The following USP34 variants were observed in gnomAD, a reference collection of about 807,000 sequenced individuals.
The protein encoded by USP34 is ubiquitin specific peptidase 34, also known as ubiquitin carboxyl-terminal hydrolase 34.
Under a neutral mutation model 460.3 loss-of-function variants are expected in USP34, and 70 were observed. The observed-to-expected ratio is 0.15, with a 90% confidence interval of 0.13 to 0.19. The LOEUF (loss-of-function observed/expected upper bound fraction) is 0.19. Ranked by LOEUF, USP34 falls within the 10% of genes least tolerant of loss-of-function variation. USP34 has a pLI of 1.00. For missense variants in USP34, 3,985 were observed against 4,236.2 expected (o/e 0.94, Z 1.65); for synonymous variants, 1,647 against 1,405.3 (o/e 1.17, Z -3.85).
chr2:61,356,426 G>A (rs1692105906), intron 10 of USP34, among the ~76,000 whole-genome samples: 1 of 151,874 alleles, frequency 6.6e-6, no homozygotes, highest in South Asian at 2.1e-4. Flanking sequence ...GAAGGTCAAG[G>A]TTGCAGTGAG....
Position 61,311,775 on chromosome 2 carries a change from T to C in USP34, c.3669+9A>G, listed in dbSNP as rs541458540. ...GTTATCAACTTCGAAATTAAAACTATGTAAGTACCTTGTCAGGAAGTCCAG... is the reference window on the plus strand; with the variant it reads ...GTTATCAACTTCGAAATTAAAACTACGTAAGTACCTTGTCAGGAAGTCCAG... On this transcript the variant is annotated intron_variant, in intron 26 of 79. Coordinates refer to ENST00000398571, the MANE Select transcript of USP34 (RefSeq NM_014709.4). 9 of 1,613,110 alleles carry C rather than the reference T, an allele frequency of 5.6e-6. No homozygotes were observed. The East Asian group carries it at 1.3e-4, about 24-fold the overall frequency.
chr2:61,234,579 G>A (rs1031100813), intron 57 of USP34, among the ~76,000 whole-genome samples: 8 of 152,082 alleles, frequency 5.3e-5, no homozygotes, highest in Non-Finnish European at 1.2e-4. Context: ...GTTAAGAGAG[G>A]GATGGAAGAA....
Position 61,188,556 on chromosome 2 carries a change from A to G in USP34, c.10187T>C (p.Ile3396Thr), listed in dbSNP as rs1183430363. Residue 3396 changes from isoleucine to threonine, a missense_variant, in exon 80 of 80, where the codon ATT becomes ACT. Around this residue, in one of 14 missense-constraint regions of USP34, gnomAD observed 506 missense variants for 439.0 expected, o/e 1.15. Coordinates refer to ENST00000398571, the MANE Select transcript of USP34 (RefSeq NM_014709.4). Reference sequence around the variant, plus strand: ...AAGATCTTGCTCAGTTCCTGGATCAATAATTGAGGAGTCTCTGGTCTCATT... The same window carrying G: ...AAGATCTTGCTCAGTTCCTGGATCAGTAATTGAGGAGTCTCTGGTCTCATT... Reference protein sequence around the residue: ...SDNETRDSSIIDPGTEQDLPS... With the variant: ...SDNETRDSSITDPGTEQDLPS... 4 of 1,614,064 alleles carry G rather than the reference A, an allele frequency of 2.5e-6. No individual in the cohort carries two copies. Among genetic ancestry groups the G allele is most frequent in the African/African-American group, 2.7e-5 (2 of 74,916 alleles).
chr2:61,430,170 G>T (rs555844352), intron 1 of USP34, among the ~76,000 whole-genome samples: 1 of 150,424 alleles, frequency 6.6e-6, no homozygotes, highest in Non-Finnish European at 1.5e-5. Context: ...AGCCAAGATC[G>T]TGCCACTGCA....
chr2:61,466,901 CAAAA>C (rs111921570), intron 1 of USP34, among the ~76,000 whole-genome samples: 1 of 105,654 alleles, frequency 9.5e-6, no homozygotes, highest in Non-Finnish European at 2.0e-5. Flanking sequence ...GACTCCGTGT[CAAAA>C]AAAAAAAAAA....
intron 67 of USP34, among the ~76,000 whole-genome samples, chr2:61,217,556 C>T (rs1687438219): frequency 6.6e-6 from 1 of 152,154 alleles, no homozygotes. Context: ...TGCATTATAA[C>T]AATGTTTCCC....
chr2:61,428,779 T>C (rs1384878404), intron 1 of USP34, among the ~76,000 whole-genome samples: 2 of 152,138 alleles, frequency 1.3e-5, no homozygotes, highest in Non-Finnish European at 2.9e-5. Flanking sequence ...AAATTAGCTA[T>C]GCCGATTCAG....
At chr2:61,283,555 A>C in intron 35 of USP34, 106 bp from the exon 36 acceptor site, 23 of 1,222,454 alleles carry the variant, frequency 1.9e-5, no homozygotes, top group Middle Eastern at 2.9e-4. Flanking sequence ...CCCCCCAAAA[A>C]AGGAAAGCAG....
At chr2:61,225,659 G>T (rs1363065327) in intron 62 of USP34, among the ~76,000 whole-genome samples, 1 of 152,058 alleles carries the variant, frequency 6.6e-6, no homozygotes, top group Non-Finnish European at 1.5e-5. Flanking sequence ...GGCAAATACT[G>T]AATTAGCAAA....
At chr2:61,454,019 C>G (rs1025673257) in intron 1 of USP34, among the ~76,000 whole-genome samples, 1 of 152,036 alleles carries the variant, frequency 6.6e-6, no homozygotes, top group Admixed American at 6.6e-5. Context: ...TCAGTTTATA[C>G]ATATTCACAG....
intron 39 of USP34, among the ~76,000 whole-genome samples, chr2:61,278,774 A>T (rs1373622176): frequency 1.5e-5 from 2 of 135,840 alleles, no homozygotes; most frequent in Non-Finnish European, 3.3e-5. Flanking sequence ...CCTAAAACTT[A>T]AAGTATAATA....
intron 2 of USP34, among the ~76,000 whole-genome samples, chr2:61,415,283 C>T (rs1445593031): frequency 1.3e-5 from 2 of 152,028 alleles, no homozygotes; most frequent in South Asian, 2.1e-4. Flanking sequence ...AAAAGATCAC[C>T]TAATGATGCA....
Position 61,232,391 on chromosome 2 carries a change from A to G in USP34, c.7113+61T>C, listed in dbSNP as rs953373192. 69 of 1,339,084 alleles carry G rather than the reference A, an allele frequency of 5.2e-5. 1 individual carries two copies. The highest frequency in any genetic ancestry group is 6.2e-5 in the Non-Finnish European group (58 of 939,182). The allele number at this position is 1,339,084 out of a possible 1,614,324, so 83.0% of individuals were successfully genotyped here. A position where few individuals can be genotyped will look rare whatever the true frequency, so the allele number is the denominator to read the frequency against. On this transcript the variant is annotated intron_variant, in intron 58 of 79. Coordinates refer to ENST00000398571, the MANE Select transcript of USP34 (RefSeq NM_014709.4). ...AGACACACTTATAAGCAAATTGAGA[A>G]TAATTAAATTGAAAGTAACTTCTTT...
chr2:61,213,221 C>G (rs1357690067), intron 68 of USP34, among the ~76,000 whole-genome samples: 1 of 152,048 alleles, frequency 6.6e-6, no homozygotes, highest in Non-Finnish European at 1.5e-5. Context: ...TGCCATGTTG[C>G]CCAGGCTGGT....
rs1463759845 is a variant in USP34, at chr2:61,358,601, C to T, written c.1252-7908G>A. Among the ~76,000 whole-genome samples the T allele has an allele frequency of 5.3e-5, 8 of 152,270 alleles. No homozygotes were observed. In the East Asian group the frequency reaches 1.3e-3, roughly 26 times the overall value. ...CCATATTTACCACTGCTACTCAACA[C>T]TGTAATGAACTACTAGCCAGAGCTA... is the stretch of plus-strand genomic sequence containing the variant. On this transcript the variant is annotated intron_variant, in intron 10 of 79. Transcript: ENST00000398571.
chr2:61,242,458 TACACACACACACACACACACAC>T (rs67471702), intron 51 of USP34, among the ~76,000 whole-genome samples: 3 of 129,778 alleles, frequency 2.3e-5, no homozygotes, highest in Admixed American at 8.0e-5. Flanking sequence ...AGATAATACA[TACACACACACACACACACACAC>T]ACACACACAC....
intron 6 of USP34, 133 bp downstream of exon 6, chr2:61,383,136 T>TACC (rs1693024938): frequency 7.7e-6 from 4 of 519,080 alleles, no homozygotes; most frequent in Non-Finnish European, 1.3e-5. Flanking sequence ...AAACACTATA[T>TACC]ACCAAACTGT....
intron 44 of USP34, among the ~76,000 whole-genome samples, chr2:61,258,179 C>G (rs1688772311): frequency 6.6e-6 from 1 of 152,062 alleles, no homozygotes; most frequent in African/African-American, 2.4e-5. Flanking sequence ...CATAGTGAGA[C>G]TCTGTCTCTA....
chr2:61,312,527 G>A (rs1208442871), intron 25 of USP34, among the ~76,000 whole-genome samples: 5 of 147,806 alleles, frequency 3.4e-5, no homozygotes, highest in Non-Finnish European at 4.5e-5. Flanking sequence ...AAAAAAAAAA[G>A]TCTAAAACTA....
Sources: gnomAD v4.1 joint callset for allele counts (sites outside exome capture counted in the v4.1 genomes callset) on GRCh38, gnomAD v4.1.1 for gene constraint, gnomAD v4.1.1 regional missense constraint, MANE v1.5 for transcripts, NCBI Gene and HGNC (gene_info 2026-07-23, HGNC 2026-07-21) for gene names.